The following GPATCH8 variants were observed in gnomAD, a reference collection of about 807,000 sequenced individuals.
GPATCH8 encodes the protein G-patch domain containing 8, also known as G patch domain-containing protein 8.
In GPATCH8, 18 loss-of-function variants were observed where a neutral mutation model predicts 118.3. The observed-to-expected ratio is 0.15, with a 90% CI of 0.11 to 0.23. The LOEUF is 0.23. GPATCH8 is among the 10% of genes least tolerant of loss of function. GPATCH8 has a pLI of 1.00. For synonymous variants in GPATCH8, 659 were observed against 684.7 expected (o/e 0.96, Z 0.59); for missense variants, 1,631 against 1,873.8 (o/e 0.87, Z 2.39).
At chr17:44,502,494 A>C (rs1970152757) in intron 1 of GPATCH8, among the ~76,000 whole-genome samples, 1 of 152,190 alleles carries the variant, frequency 6.6e-6, no homozygotes, top group Admixed American at 6.5e-5. Context: ...CGAAAAAACA[A>C]GTTATTCTAA....
At chr17:44,436,205 C>T (rs1409529070) in intron 4 of GPATCH8, among the ~76,000 whole-genome samples, 2 of 152,138 alleles carry the variant, frequency 1.3e-5, no homozygotes, top group Admixed American at 1.3e-4. Context: ...GTACCAAGGT[C>T]TGGATCTAAG....
chr17:44,426,044 A>G (rs528550857), intron 5 of GPATCH8, among the ~76,000 whole-genome samples: 1 of 152,360 alleles, frequency 6.6e-6, no homozygotes, highest in South Asian at 2.1e-4. Context: ...AATGAGGGAA[A>G]TGTAGTAGAA....
chr17:44,469,853 C>T (rs936058431), intron 2 of GPATCH8, among the ~76,000 whole-genome samples: 1 of 152,202 alleles, frequency 6.6e-6, no homozygotes. Flanking sequence ...CACATATGGT[C>T]ACTGCTAAAT....
intron 2 of GPATCH8, among the ~76,000 whole-genome samples, chr17:44,471,270 T>C (rs2144355374): frequency 6.6e-6 from 1 of 152,326 alleles, no homozygotes; most frequent in East Asian, 1.9e-4. Flanking sequence ...AAAATTGAAA[T>C]ACCAATATCT....
At position 44,480,449 on chromosome 17, in the gene GPATCH8, T is replaced by C. The variant is rs1968136758; in HGVS notation, c.46-5546A>G. Among the ~76,000 whole-genome samples the C allele has an allele frequency of 1.3e-5, 2 of 151,802 alleles. 1 individual carries two copies. The highest frequency in any genetic ancestry group is 4.2e-4 in the South Asian group (2 of 4,812). ...TACAAAAATTGGCCAGGCGCGGTGG[T>C]TCACGTCTATAATCCCAGCACTTTG... On this transcript the variant is annotated intron_variant, in intron 1 of 7. Transcript: ENST00000591680.
At chr17:44,440,513 T>C (rs1261417876) in intron 3 of GPATCH8, among the ~76,000 whole-genome samples, 1 of 152,188 alleles carries the variant, frequency 6.6e-6, no homozygotes, top group East Asian at 1.9e-4. Context: ...GCTCAAGTGA[T>C]CCTCTTGCTT....
chr17:44,490,482 ATAAAAT>A (rs932837422), intron 1 of GPATCH8, among the ~76,000 whole-genome samples: 1 of 152,148 alleles, frequency 6.6e-6, no homozygotes, highest in African/African-American at 2.4e-5. Context: ...GAGGTAAAAA[ATAAAAT>A]TTAAATTTAA....
At chr17:44,498,019 A>G (rs1192754605) in intron 1 of GPATCH8, among the ~76,000 whole-genome samples, 1 of 152,224 alleles carries the variant, frequency 6.6e-6, no homozygotes, top group Non-Finnish European at 1.5e-5. Context: ...GACAGAAATC[A>G]CATGGAAATG....
chr17:44,400,805 A>G lies in GPATCH8; in HGVS notation c.1272T>C (p.Asn424=). The change falls in exon 8 of 8, where the codon AAT becomes AAC. Residue 424 remains asparagine, a synonymous_variant. Transcript: ENST00000591680. ...MRASEQMDGD[N]TTHPKNAPES... ...CTGGGGCATTCTTTGGGTGTGTAGT[A>G]TTATCACCATCCATTTGTTCACTGG... The G allele has an allele frequency of 1.2e-6, 2 of 1,614,066 alleles. No homozygotes were observed. The highest frequency in any genetic ancestry group is 8.5e-7 in the Non-Finnish European group (1 of 1,179,922).
chr17:44,456,145 C>T (rs1324120009), intron 3 of GPATCH8, among the ~76,000 whole-genome samples: 1 of 152,124 alleles, frequency 6.6e-6, no homozygotes, highest in Non-Finnish European at 1.5e-5. Context: ...AGCTATGTTG[C>T]CCAGGCTAAG....
chr17:44,492,744 G>C (rs936820328), intron 1 of GPATCH8, among the ~76,000 whole-genome samples: 4 of 152,112 alleles, frequency 2.6e-5, no homozygotes, highest in African/African-American at 9.7e-5. Context: ...TATCACAGTA[G>C]TCAACTTTTA....
intron 1 of GPATCH8, among the ~76,000 whole-genome samples, chr17:44,477,045 A>G (rs548861944): frequency 1.3e-5 from 2 of 152,320 alleles, no homozygotes; most frequent in Non-Finnish European, 2.9e-5. Flanking sequence ...GGTCTAGCCT[A>G]AACGAATTCA....
At chr17:44,503,272 G>C (rs1970232715) in intron 1 of GPATCH8, 54 bp downstream of exon 1, 1 of 1,486,500 alleles carries the variant, frequency 6.7e-7, no homozygotes, top group East Asian at 2.4e-5. Context: ...AGATGAAGGA[G>C]GTTCTGGGCT....
At position 44,399,508 on chromosome 17, in the gene GPATCH8, C is replaced by T; in HGVS notation, c.2569G>A (p.Gly857Ser). 6.2e-7 allele frequency: 1 copy of T among 1,614,156 alleles called. No homozygotes were observed. Among genetic ancestry groups the T allele is most frequent in the Non-Finnish European group, 8.5e-7 (1 of 1,180,036 alleles). The change falls in exon 8 of 8, where the codon GGC becomes AGC. Residue 857 changes from glycine (G) to serine (S), a missense_variant. Gly to Ser is a moderately conservative substitution (Grantham distance 56, BLOSUM62 0). This residue lies in a region of GPATCH8 where 922 missense variants were observed against 879.7 expected (regional missense o/e 1.05). Coordinates refer to ENST00000591680, the MANE Select transcript of GPATCH8 (RefSeq NM_001002909.4). ...GAACGATGCGAGGAATGGCGCCGGCCAGACCTTGAGCGGCTGCGGGAATGC... is the reference window on the plus strand; with the variant it reads ...GAACGATGCGAGGAATGGCGCCGGCTAGACCTTGAGCGGCTGCGGGAATGC... ...SEHSRSRSRSGRRHSSHRSSR... is the reference protein window; with the variant it reads ...SEHSRSRSRSSRRHSSHRSSR...
At position 44,475,387 on chromosome 17, in the gene GPATCH8, A is replaced by G. The variant is rs555059319; in HGVS notation, c.46-484T>C. ...AGAACGAGACTCCATCTCAAAAAAG[A>G]AAAAAAAAAAAAGAAAAAACTTTAT... is the stretch of plus-strand genomic sequence containing the variant. On this transcript the variant is annotated intron_variant, in intron 1 of 7. Coordinates refer to ENST00000591680, the MANE Select transcript of GPATCH8 (RefSeq NM_001002909.4). 2.1e-3 allele frequency among the ~76,000 whole-genome samples: 293 copies of G among 141,176 alleles called. 1 individual carries two copies. The highest frequency in any genetic ancestry group is 0.011 in the Middle Eastern group (3 of 268). The allele number at this position is 141,176 out of a possible 152,430, so 92.6% of individuals were successfully genotyped here.
chr17:44,500,190 G>C (rs917039050), intron 1 of GPATCH8, among the ~76,000 whole-genome samples: 20 of 152,294 alleles, frequency 1.3e-4, no homozygotes, highest in African/African-American at 4.6e-4. Context: ...AGACAGAATG[G>C]TCATGAGGAC....
chr17:44,478,884 A>G (rs1680921441), intron 1 of GPATCH8, among the ~76,000 whole-genome samples: 1 of 151,658 alleles, frequency 6.6e-6, no homozygotes, highest in African/African-American at 2.4e-5. Context: ...GGCAACAGGC[A>G]TACACCATGA....
At chr17:44,470,110 G>A (rs1453807963) in intron 2 of GPATCH8, among the ~76,000 whole-genome samples, 1 of 152,204 alleles carries the variant, frequency 6.6e-6, no homozygotes, top group Non-Finnish European at 1.5e-5. Context: ...AGCGGCTGAT[G>A]GGTAGTTGCA....
chr17:44,464,949 A>ACGGC, intron 2 of GPATCH8: 1 of 176,422 alleles, frequency 5.7e-6, no homozygotes, highest in South Asian at 1.3e-4. Context: ...TTTTTTTTAA[A>ACGGC]GAAAATCTAC....
Sources: allele counts gnomAD v4.1 joint callset (sites outside exome capture counted in the v4.1 genomes callset), GRCh38; gene constraint gnomAD v4.1.1; regional missense constraint gnomAD v4.1.1; transcripts MANE v1.5; gene names NCBI Gene and HGNC (gene_info 2026-07-23, HGNC 2026-07-21).